Variants in TUG1 observed in about 807,000 individuals in gnomAD.
TUG1 encodes taurine up-regulated 1, also known as taurine upregulated gene 1.
chr22:30,979,106 A>G (rs2041321092), exon 3 of TUG1: 1 of 152,220 alleles, frequency 6.6e-6, no homozygotes, highest in African/African-American at 2.4e-5. Context: ...GTTCAGCCAT[A>G]TAGGAATATC....
chr22:30,978,776 C>T (rs553669735), exon 3 of TUG1: 6 of 152,268 alleles, frequency 3.9e-5, no homozygotes, highest in Non-Finnish European at 7.4e-5. Flanking sequence ...TGGATCCAAC[C>T]GTGCCTGAAG....
chr22:30,971,730 G>C (rs1196133743), exon 1 of TUG1: 1 of 152,974 alleles, frequency 6.5e-6, no homozygotes, highest in Non-Finnish European at 1.5e-5. Flanking sequence ...CTGAGTTTCT[G>C]TCCAGACCCT....
At chr22:30,971,239 C>G (rs1027828841) in exon 1 of TUG1, 1 of 152,176 alleles carries the variant, frequency 6.6e-6, no homozygotes, top group Non-Finnish European at 1.5e-5. Flanking sequence ...TGACTATTCC[C>G]TTTTCCTAAA....
exon 3 of TUG1, chr22:30,975,187 A>G (rs912713089): frequency 1.3e-5 from 2 of 152,216 alleles, no homozygotes; most frequent in Non-Finnish European, 2.9e-5. Flanking sequence ...TGACCGACTT[A>G]TTCTTAGATC....
chr22:30,976,352 G>C (rs905898975), exon 3 of TUG1: 3 of 152,144 alleles, frequency 2.0e-5, no homozygotes, highest in Non-Finnish European at 4.4e-5. Context: ...AGAGTTGGAG[G>C]CTGGCCCTTT....
chr22:30,977,292 C>T (rs936087804), exon 3 of TUG1: 1 of 152,142 alleles, frequency 6.6e-6, no homozygotes, highest in African/African-American at 2.4e-5. Flanking sequence ...CCTTGACTTG[C>T]TTGTAAGATG....
intron 2 of TUG1, 53 bp from the exon 3 acceptor site, chr22:30,975,117 C>T (rs1341873557): frequency 1.3e-5 from 2 of 152,186 alleles, no homozygotes; most frequent in East Asian, 1.9e-4. Flanking sequence ...CTTGGTTTAC[C>T]ACAGGCTTTG....
exon 3 of TUG1, chr22:30,976,664 ACT>A (rs1481524616): frequency 6.6e-6 from 1 of 152,192 alleles, no homozygotes; most frequent in African/African-American, 2.4e-5. Context: ...CAGTTTATGA[ACT>A]CTCAGACCAG....
exon 3 of TUG1, chr22:30,977,667 G>T (rs2041304400): frequency 1.3e-5 from 2 of 152,182 alleles, no homozygotes; most frequent in Admixed American, 1.3e-4. Context: ...TGGCCTTTCT[G>T]AAGGTACCCT....
chr22:30,975,978 A>G (rs1396960331), exon 3 of TUG1: 1 of 151,708 alleles, frequency 6.6e-6, no homozygotes, highest in Non-Finnish European at 1.5e-5. Flanking sequence ...ACATCACTGT[A>G]TGACTCAACC....
exon 2 of TUG1, chr22:30,973,407 T>G (rs2041252803): frequency 6.6e-6 from 1 of 152,214 alleles, no homozygotes; most frequent in South Asian, 2.1e-4. Context: ...GAAAACATAT[T>G]CTGACCCATT....
At chr22:30,977,963 C>T (rs1253132316) in exon 3 of TUG1, 2 of 152,194 alleles carry the variant, frequency 1.3e-5, no homozygotes, top group Non-Finnish European at 2.9e-5. Context: ...GGAACCTCAT[C>T]TATCGGGTCT....
chr22:30,975,004 A>T (rs1049248595), intron 2 of TUG1, 166 bp from the exon 3 acceptor site: 6 of 152,238 alleles, frequency 3.9e-5, no homozygotes, highest in Non-Finnish European at 7.3e-5. Context: ...TCTCTGATAG[A>T]TACTTACAAG....
At chr22:30,974,164 T>G (rs1188767944) in intron 2 of TUG1, 1 of 152,124 alleles carries the variant, frequency 6.6e-6, no homozygotes, top group Non-Finnish European at 1.5e-5. Flanking sequence ...CTGGTTTTTT[T>G]AAAGTCAGTA....
chr22:30,969,894 C>T (rs1025982889), exon 1 of TUG1: 5 of 152,276 alleles, frequency 3.3e-5, no homozygotes, highest in African/African-American at 7.2e-5. Flanking sequence ...GGTTTTCTTC[C>T]GGGCCTAGCC....
chr22:30,971,911 C>G (rs1306614611), intron 1 of TUG1, 132 bp downstream of exon 1: 1 of 152,248 alleles, frequency 6.6e-6, no homozygotes, highest in Non-Finnish European at 1.5e-5. Context: ...GTATCCAACT[C>G]TTATGCCCTC....
exon 1 of TUG1, chr22:30,970,672 C>T (rs1357359559): frequency 6.6e-6 from 1 of 152,164 alleles, no homozygotes; most frequent in Non-Finnish European, 1.5e-5. Flanking sequence ...TTACTTGATC[C>T]TACTTTACAT....
At chr22:30,974,313 TTAC>T (rs1469791294) in intron 2 of TUG1, 1 of 149,006 alleles carries the variant, frequency 6.7e-6, no homozygotes, top group Non-Finnish European at 1.5e-5. Context: ...TTGCAGCAAA[TTAC>T]TACTGCTTCT....
exon 1 of TUG1, chr22:30,969,285 T>G (rs1009259030): frequency 2.6e-5 from 4 of 152,406 alleles, no homozygotes; most frequent in Admixed American, 2.6e-4. Flanking sequence ...GCCGGGACGG[T>G]AGCTGCGGTG....
Sources: allele counts gnomAD v4.1 joint callset, GRCh38; gene constraint gnomAD v4.1.1; transcripts MANE v1.5; gene names NCBI Gene and HGNC (gene_info 2026-07-23, HGNC 2026-07-21).